PALD1: variants seen among roughly 807,000 people sequenced by gnomAD.
The protein encoded by PALD1 is phosphatase domain containing paladin 1.
PALD1 carries 57 observed loss-of-function variants against 96.0 expected under a neutral mutation model. The ratio of observed to expected loss-of-function variants is 0.59; its 90% CI spans 0.48 to 0.74. The LOEUF (loss-of-function observed/expected upper bound fraction) is 0.74. PALD1 is among the 30% of genes least tolerant of loss of function. The pLI, the probability that PALD1 is intolerant of heterozygous loss-of-function variation, is 0.00. For missense variants in PALD1, 1,063 were observed against 1,143.7 expected (o/e 0.93, Z 1.02); for synonymous variants, 464 against 473.6 (o/e 0.98, Z 0.26).
At chr10:70,565,609 G>C (rs550835095) in intron 19 of PALD1, among the ~76,000 whole-genome samples, 2 of 152,318 alleles carry the variant, frequency 1.3e-5, no homozygotes, top group South Asian at 4.1e-4. Context: ...AGTGGAGGCA[G>C]AGTGGCAGGC....
intron 1 of PALD1, among the ~76,000 whole-genome samples, chr10:70,491,945 A>G (rs758650648): frequency 2.0e-5 from 3 of 152,200 alleles, no homozygotes; most frequent in Non-Finnish European, 4.4e-5. Context: ...ATGGCTGAGT[A>G]ACTTTCCATT....
chr10:70,558,818 T>A (rs1306242331), intron 18 of PALD1, among the ~76,000 whole-genome samples: 1 of 152,128 alleles, frequency 6.6e-6, no homozygotes, highest in Non-Finnish European at 1.5e-5. Context: ...AAGGGTGCAG[T>A]GGGCAAGTTA....
chr10:70,460,858 C>A, the PALD1 span, among the ~76,000 whole-genome samples: 1 of 152,072 alleles, frequency 6.6e-6, no homozygotes, highest in Non-Finnish European at 1.5e-5. Flanking sequence ...GAGTTCAAGA[C>A]CAGCCTGGCC....
chr10:70,485,188 A>AT (rs1329498915), intron 1 of PALD1: 2 of 141,214 alleles, frequency 1.4e-5, no homozygotes, highest in Admixed American at 7.2e-5. Flanking sequence ...TTTTTTTACT[A>AT]TTTTTCAAAA....
intron 1 of PALD1, among the ~76,000 whole-genome samples, chr10:70,497,332 AG>A (rs1004568727): frequency 2.0e-5 from 3 of 152,238 alleles, no homozygotes; most frequent in Non-Finnish European, 4.4e-5. Context: ...AGGTGTGCAC[AG>A]CTGCCTCGCT....
intron 1 of PALD1, among the ~76,000 whole-genome samples, chr10:70,524,680 A>G (rs756029612): frequency 5.3e-5 from 8 of 152,154 alleles, no homozygotes; most frequent in African/African-American, 9.7e-5. Context: ...TGCACTTCCT[A>G]TGCAACCTGC....
At chr10:70,491,635 T>G (rs530598072) in intron 1 of PALD1, among the ~76,000 whole-genome samples, 47 of 152,308 alleles carry the variant, frequency 3.1e-4, no homozygotes, top group Middle Eastern at 3.4e-3. Flanking sequence ...AAGTGTACAG[T>G]TCAGTGACAG....
chr10:70,518,197 C>T (rs976110698), intron 1 of PALD1, among the ~76,000 whole-genome samples: 19 of 152,196 alleles, frequency 1.2e-4, no homozygotes, highest in East Asian at 7.7e-4. Context: ...CCACCACTCC[C>T]GGCCGCTGTG....
chr10:70,510,147 A>G (rs898347732), intron 1 of PALD1, among the ~76,000 whole-genome samples: 1 of 152,086 alleles, frequency 6.6e-6, no homozygotes, highest in East Asian at 1.9e-4. Flanking sequence ...GTGCTGGGCA[A>G]AGGAGTTTAG....
chr10:70,520,685 CTTTTTTTT>C (rs10545684), intron 1 of PALD1, among the ~76,000 whole-genome samples: 3 of 87,680 alleles, frequency 3.4e-5, no homozygotes, highest in South Asian at 5.3e-4. Flanking sequence ...TTCTTTCTTT[CTTTTTTTT>C]TTTTTTTTTT....
At chr10:70,478,220 C>A (rs111487551), upstream of PALD1, among the ~76,000 whole-genome samples, 510 of 152,288 alleles carry the variant, frequency 3.3e-3, 1 homozygote, top group African/African-American at 0.012. Flanking sequence ...TTGGGGGGAC[C>A]GTCTGCTGTT....
rs1266029995 is a variant in PALD1, at chr10:70,547,471, C to G, written c.2262+25C>G. ...GGTGAGCCCCCACCCCACCCCACCC[C>G]ACCCTGCCCCAGCCACCCTTCCAGG... On this transcript the variant is annotated intron_variant, in intron 18 of 19. Transcript: ENST00000263563. The G allele has an allele frequency of 5.4e-6, 8 of 1,478,596 alleles. No homozygotes were observed. The East Asian group carries it at 2.0e-4, about 36-fold the overall frequency. The allele number at this position is 1,478,596 out of a possible 1,614,324, so 91.6% of individuals were successfully genotyped here. A position where few individuals can be genotyped will look rare whatever the true frequency, so the allele number is the denominator to read the frequency against.
At chr10:70,520,121 G>A (rs1262138763) in intron 1 of PALD1, among the ~76,000 whole-genome samples, 4 of 152,282 alleles carry the variant, frequency 2.6e-5, no homozygotes, top group African/African-American at 4.8e-5. Context: ...GATTCCGGCC[G>A]GCGGGGAGGG....
chr10:70,564,438 C>G lies in PALD1; in HGVS notation c.2337C>G (p.Val779=), dbSNP rs746339562. 1.9e-6 allele frequency: 3 copies of G among 1,614,144 alleles called. No individual in the cohort carries two copies. The highest frequency in any genetic ancestry group is 2.5e-6 in the Non-Finnish European group (3 of 1,179,988). The stretch of plus-strand genomic sequence containing the variant: ...GCCTGCAGTACTTGGAGCGCTATGT[C>G]TGCCTGATTCTCTTCAACGCGTACC... The part of the protein sequence containing the change: ...LRSLQYLERY[V]CLILFNAYLH... Residue 779 remains valine, a synonymous_variant, in exon 19 of 20, where the codon GTC becomes GTG. Coordinates refer to ENST00000263563, the MANE Select transcript of PALD1 (RefSeq NM_014431.3).
At chr10:70,562,728 C>T (rs960586558) in intron 18 of PALD1, among the ~76,000 whole-genome samples, 3 of 151,922 alleles carry the variant, frequency 2.0e-5, no homozygotes, top group Admixed American at 6.6e-5. Context: ...GTGTGGCCTT[C>T]GCTTTCCAAA....
chr10:70,533,547 C>A (rs74139681), intron 7 of PALD1, among the ~76,000 whole-genome samples: 2,989 of 152,280 alleles, frequency 0.02, 100 homozygotes, highest in African/African-American at 0.067. Flanking sequence ...TTCCTCCTTT[C>A]TTTAGTGGAG....
At position 70,566,811 on chromosome 10, in the gene PALD1, G is replaced by C. The variant is rs142349683; in HGVS notation, c.*78G>C. ...GTCTGAGGTGCTCTTGGCTGGGAGC[G>C]GCCCTGAGGGGTGCTGGCCTTGAAA... On this transcript the variant is annotated 3_prime_UTR_variant, in exon 20 of 20. Transcript: ENST00000263563. 3 of 913,154 alleles carry C rather than the reference G, an allele frequency of 3.3e-6. No homozygotes were observed. Among genetic ancestry groups the C allele is most frequent in the Non-Finnish European group, 4.9e-6 (3 of 613,458 alleles). The allele number at this position is 913,154 out of a possible 1,614,324, so 56.6% of individuals were successfully genotyped here.
upstream of PALD1, among the ~76,000 whole-genome samples, chr10:70,478,125 A>C (rs1342954915): frequency 6.6e-6 from 1 of 151,656 alleles, no homozygotes; most frequent in East Asian, 2.0e-4. Flanking sequence ...CTCCATCCAA[A>C]GCTCTGCTCT....
chr10:70,561,153 C>A (rs1023884173), intron 18 of PALD1, among the ~76,000 whole-genome samples: 38 of 152,240 alleles, frequency 2.5e-4, no homozygotes, highest in African/African-American at 8.7e-4. Flanking sequence ...GAGAATCTTT[C>A]TCAGACCTAA....
Sources: gnomAD v4.1 joint callset for allele counts (sites outside exome capture counted in the v4.1 genomes callset) on GRCh38, gnomAD v4.1.1 for gene constraint, MANE v1.5 for transcripts, NCBI Gene and HGNC (gene_info 2026-07-23, HGNC 2026-07-21) for gene names.